The following TRAPPC13 variants were observed in gnomAD, a reference collection of about 807,000 sequenced individuals.
The protein encoded by TRAPPC13 is REV7-interacting novel NHEJ regulator 1.
Under a neutral mutation model 54.0 loss-of-function variants are expected in TRAPPC13, and 39 were observed. The observed-to-expected ratio is 0.72, with a 90% CI of 0.56 to 0.94. The LOEUF is 0.94. TRAPPC13 is among the 40% of genes least tolerant of loss of function. TRAPPC13 has a pLI of 0.00. For missense variants in TRAPPC13, 386 were observed against 488.1 expected (o/e 0.79, Z 1.97); for synonymous variants, 148 against 167.7 (o/e 0.88, Z 0.91).
intron 3 of TRAPPC13, among the ~76,000 whole-genome samples, 158 bp downstream of exon 3, chr5:65,636,201 T>C (rs1193742294): frequency 6.6e-6 from 1 of 150,816 alleles, no homozygotes; most frequent in Non-Finnish European, 1.5e-5. Context: ...TGGAGTACAG[T>C]GGTGCCATTT....
At chr5:65,629,830 A>T (rs562301345) in intron 1 of TRAPPC13, 1 of 1,535,988 alleles carries the variant, frequency 6.5e-7, no homozygotes, top group East Asian at 2.4e-5. Context: ...ATGCTAAGTC[A>T]CACAGTTATG....
At chr5:65,650,786 C>T (rs190363259) in intron 5 of TRAPPC13, 24 bp from the exon 6 acceptor site, 185 of 1,594,526 alleles carry the variant, frequency 1.2e-4, no homozygotes, top group Non-Finnish European at 1.5e-4. Context: ...GACTCAGAAT[C>T]GTTAAGACAT....
At chr5:65,625,351 A>G in intron 1 of TRAPPC13, 1 of 425,206 alleles carries the variant, frequency 2.4e-6, no homozygotes, top group South Asian at 5.1e-5. Context: ...CAGTCACGAG[A>G]TTTTAGCCGC....
intron 1 of TRAPPC13, among the ~76,000 whole-genome samples, chr5:65,633,904 A>AT (rs145450696): frequency 4.0e-5 from 5 of 125,774 alleles, no homozygotes; most frequent in African/African-American, 9.0e-5. Context: ...TTGCTAATTG[A>AT]TTTTTTTAAC....
At position 65,660,911 on chromosome 5, in the gene TRAPPC13, A is replaced by C; in HGVS notation, c.897+14A>C. 1.9e-6 allele frequency: 3 copies of C among 1,594,762 alleles called. No homozygotes were observed. Among genetic ancestry groups the C allele is most frequent in the Non-Finnish European group, 2.6e-6 (3 of 1,171,068 alleles). ...CTTCAAAGAATGGTGAGTCTGGAAA[A>C]AACTTCGCTGGGGTTTTGGTGTGTG... On this transcript the variant is annotated intron_variant, in intron 10 of 12. Transcript: ENST00000399438.
intron 9 of TRAPPC13, among the ~76,000 whole-genome samples, chr5:65,659,171 C>T (rs1756760101): frequency 6.6e-6 from 1 of 152,162 alleles, no homozygotes; most frequent in Admixed American, 6.6e-5. Context: ...TTTTAAGAGA[C>T]AGGTCTCATT....
At chr5:65,637,854 C>T (rs141282759) in intron 4 of TRAPPC13, 74 bp downstream of exon 4, 12,724 of 785,618 alleles carry the variant, frequency 0.016, 175 homozygotes, top group Non-Finnish European at 0.021. Context: ...CATGGTGGCT[C>T]ATGCCTGTAA....
intron 4 of TRAPPC13, among the ~76,000 whole-genome samples, chr5:65,640,328 C>T (rs1252139526): frequency 6.6e-6 from 1 of 152,154 alleles, no homozygotes; most frequent in African/African-American, 2.4e-5. Context: ...CTTCAGGCTA[C>T]GAGTTTGAGA....
intron 4 of TRAPPC13, among the ~76,000 whole-genome samples, chr5:65,639,095 A>C (rs1025788357): frequency 2.0e-5 from 3 of 152,072 alleles, no homozygotes; most frequent in Non-Finnish European, 4.4e-5. Context: ...CCCCCAAAAA[A>C]TAAAAATAAA....
At position 65,648,219 on chromosome 5, in the gene TRAPPC13, T is replaced by A. The variant is rs187636079; in HGVS notation, c.428+1037T>A. Among the ~76,000 whole-genome samples the A allele has an allele frequency of 2.6e-5, 4 of 152,310 alleles. No homozygotes were observed. The South Asian group carries it at 6.2e-4, about 24-fold the overall frequency. ...AATGCATTCTTCCCTTACAAAGGAA[T>A]ACCTATGGCATTTTATTTAGTTTAC... On this transcript the variant is annotated intron_variant, in intron 5 of 12. Transcript: ENST00000399438.
intron 1 of TRAPPC13, chr5:65,630,613 G>GTATATAGA: frequency 9.4e-7 from 1 of 1,069,016 alleles, no homozygotes; most frequent in Non-Finnish European, 1.1e-6. Flanking sequence ...TGTATAGTTT[G>GTATATAGA]GATTTTGGTT....
At chr5:65,644,622 C>T (rs1219871058) in intron 4 of TRAPPC13, among the ~76,000 whole-genome samples, 1 of 152,216 alleles carries the variant, frequency 6.6e-6, no homozygotes, top group Non-Finnish European at 1.5e-5. Context: ...TGGCTAACAC[C>T]TGTAATCCCA....
intron 1 of TRAPPC13, chr5:65,625,360 G>A (rs566432919): frequency 2.4e-6 from 1 of 420,510 alleles, no homozygotes; most frequent in South Asian, 5.1e-5. Context: ...GATTTTAGCC[G>A]CAGAAGCTGA....
chr5:65,636,268 C>T (rs1285710932), intron 3 of TRAPPC13, among the ~76,000 whole-genome samples: 3 of 151,648 alleles, frequency 2.0e-5, no homozygotes, highest in Non-Finnish European at 4.4e-5. Flanking sequence ...CTCAGCCTTC[C>T]GAGTAGCTGG....
chr5:65,661,700 T>G (rs1756858452), intron 10 of TRAPPC13: 1 of 166,558 alleles, frequency 6.0e-6, no homozygotes, highest in South Asian at 2.0e-4. Context: ...CTTTAGAAAA[T>G]AACTTTACCT....
intron 11 of TRAPPC13, 115 bp from the exon 12 acceptor site, chr5:65,664,122 G>A: frequency 1.8e-6 from 2 of 1,083,812 alleles, no homozygotes; most frequent in Non-Finnish European, 2.7e-6. Context: ...TCTCTTTCTG[G>A]TTTTTATTCT....
Position 65,665,607 on chromosome 5 carries a change from T to C in TRAPPC13, c.*996T>C, listed in dbSNP as rs903567673. The C allele has an allele frequency of 2.6e-5, 4 of 152,142 alleles. No individual in the cohort carries two copies. Among genetic ancestry groups the C allele is most frequent in the African/African-American group, 9.7e-5 (4 of 41,448 alleles). 9.4% of individuals were successfully genotyped at this position (152,142 alleles called of 1,614,324 possible). A position where few individuals can be genotyped will look rare whatever the true frequency, so the allele number is the denominator to read the frequency against. ...TAAGCCAAAAACCCCTGGGTTTTTT[T>C]CTCATTGATTAAGCCACTTATTTTT... On this transcript the variant is annotated 3_prime_UTR_variant, in exon 13 of 13. Coordinates refer to ENST00000399438, the MANE Select transcript of TRAPPC13 (RefSeq NM_024941.4).
chr5:65,625,048 A>C lies in TRAPPC13; in HGVS notation c.-13A>C. 6.2e-7 allele frequency: 1 copy of C among 1,613,280 alleles called. No homozygotes were observed. Among genetic ancestry groups the C allele is most frequent in the Non-Finnish European group, 8.5e-7 (1 of 1,179,318 alleles). On this transcript the variant is annotated 5_prime_UTR_variant, in exon 1 of 13. Coordinates refer to ENST00000399438, the MANE Select transcript of TRAPPC13 (RefSeq NM_024941.4). Reference sequence around the variant, plus strand: ...CAGCCCCCGTAGGCTGTGGGTCAAAAGTGCCGGTCAAAATGGAAGTGAATC... The same window carrying C: ...CAGCCCCCGTAGGCTGTGGGTCAAACGTGCCGGTCAAAATGGAAGTGAATC...
intron 1 of TRAPPC13, chr5:65,630,651 T>G (rs753714831): frequency 2.9e-6 from 3 of 1,019,806 alleles, no homozygotes; most frequent in East Asian, 1.8e-4. Context: ...TTTACTGTAT[T>G]TTTTTCCTTA....
Sources: gnomAD v4.1 joint callset for allele counts (sites outside exome capture counted in the v4.1 genomes callset) on GRCh38, gnomAD v4.1.1 for gene constraint, MANE v1.5 for transcripts, NCBI Gene and HGNC (gene_info 2026-07-23, HGNC 2026-07-21) for gene names.